KHDRBS3: variants seen among roughly 807,000 people sequenced by gnomAD.
KHDRBS3 encodes the protein KH RNA binding domain containing, signal transduction associated 3.
KHDRBS3 carries 23 observed loss-of-function variants against 45.6 expected under a neutral mutation model. The observed-to-expected ratio is 0.50, with a 90% CI of 0.36 to 0.72. The LOEUF (loss-of-function observed/expected upper bound fraction) is 0.72, where lower values mean the gene tolerates loss of function less well. KHDRBS3 is among the 30% of genes least tolerant of loss of function. The probability of loss-of-function intolerance (pLI) is 0.00; values close to 1 mark genes in which losing one functional copy is unlikely to be tolerated. For synonymous variants in KHDRBS3, 162 were observed against 156.5 expected, an observed-to-expected ratio of 1.04 and a Z score of -0.26; for missense variants, 352 against 424.8, an observed-to-expected ratio of 0.83 and a Z score of 1.51.
chr8:135,535,130 T>C (rs1825670532), intron 2 of KHDRBS3, among the ~76,000 whole-genome samples: 1 of 151,944 alleles, frequency 6.6e-6, no homozygotes, highest in Admixed American at 6.6e-5. Flanking sequence ...AACTTTTCTG[T>C]CCCTAATTTT....
At chr8:135,492,190 A>G (rs953209478) in intron 1 of KHDRBS3, among the ~76,000 whole-genome samples, 9 of 152,142 alleles carry the variant, frequency 5.9e-5, no homozygotes, top group African/African-American at 2.2e-4. Context: ...AATATGAGAT[A>G]ATGGATATGA....
chr8:135,460,262 A>G (rs555952145), intron 1 of KHDRBS3, among the ~76,000 whole-genome samples: 1 of 152,272 alleles, frequency 6.6e-6, no homozygotes, highest in Non-Finnish European at 1.5e-5. Flanking sequence ...ACTAAATTGT[A>G]GAATGGGCCA....
At chr8:135,473,507 G>A (rs763226236) in intron 1 of KHDRBS3, among the ~76,000 whole-genome samples, 2 of 152,100 alleles carry the variant, frequency 1.3e-5, no homozygotes, top group Admixed American at 6.6e-5. Context: ...GTGGAGTGCA[G>A]AGACAACATT....
At chr8:135,467,450 C>T (rs936165449) in intron 1 of KHDRBS3, among the ~76,000 whole-genome samples, 2 of 152,210 alleles carry the variant, frequency 1.3e-5, no homozygotes, top group African/African-American at 4.8e-5. Flanking sequence ...TTACAGGACC[C>T]AAGTCAAGAT....
At chr8:135,655,715 T>G (rs1831518798) in intron 4 of KHDRBS3, among the ~76,000 whole-genome samples, 1 of 142,454 alleles carries the variant, frequency 7.0e-6, no homozygotes, top group African/African-American at 2.6e-5. Flanking sequence ...ATTTCTCTGC[T>G]GCGATTGGGT....
At chr8:135,561,259 ACTTATATTG>A (rs1563769362) in intron 5 of KHDRBS3, among the ~76,000 whole-genome samples, 1 of 152,146 alleles carries the variant, frequency 6.6e-6, no homozygotes, top group Non-Finnish European at 1.5e-5. Flanking sequence ...TTTAACAAAC[ACTTATATTG>A]CAGCTACTAT....
At chr8:135,565,792 C>T (rs1048033610) in intron 5 of KHDRBS3, among the ~76,000 whole-genome samples, 8 of 152,226 alleles carry the variant, frequency 5.3e-5, no homozygotes, top group Admixed American at 2.6e-4. Context: ...GGAGTCTTGG[C>T]TGCTCAGCAT....
At chr8:135,568,881 C>T (rs1046710121) in intron 5 of KHDRBS3, among the ~76,000 whole-genome samples, 4 of 152,138 alleles carry the variant, frequency 2.6e-5, no homozygotes, top group African/African-American at 9.7e-5. Flanking sequence ...TAACTGGTGC[C>T]TACATTTTAT....
intron 2 of KHDRBS3, among the ~76,000 whole-genome samples, chr8:135,528,552 T>C (rs1372731069): frequency 6.6e-6 from 1 of 152,224 alleles, no homozygotes; most frequent in Non-Finnish European, 1.5e-5. Flanking sequence ...CGTGGTAATT[T>C]ACCTCTAGAA....
At chr8:135,616,919 G>T (rs919280421) in intron 7 of KHDRBS3, among the ~76,000 whole-genome samples, 1 of 151,960 alleles carries the variant, frequency 6.6e-6, no homozygotes, top group Non-Finnish European at 1.5e-5. Flanking sequence ...TTTGATGGAA[G>T]AGAATAATAA....
Position 135,536,479 on chromosome 8 carries a change from G to A in KHDRBS3, c.208-6175G>A, listed in dbSNP as rs1444973481. 3.3e-5 allele frequency among the ~76,000 whole-genome samples: 5 copies of A among 152,032 alleles called. No homozygotes were observed. In the East Asian group the frequency reaches 7.7e-4, roughly 23 times the overall value. On this transcript the variant is annotated intron_variant, in intron 2 of 8. Coordinates refer to ENST00000355849, the MANE Select transcript of KHDRBS3 (RefSeq NM_006558.3). The stretch of plus-strand genomic sequence containing the variant: ...TAGCAAAACACTAGCACTCAGGTTC[G>A]CAGGACAGTCACATCGTTGTATTTT...
intron 6 of KHDRBS3, among the ~76,000 whole-genome samples, chr8:135,603,352 T>C (rs1031899381): frequency 6.6e-6 from 1 of 152,220 alleles, no homozygotes; most frequent in African/African-American, 2.4e-5. Context: ...CTTCTTTTAA[T>C]TCATAAGAAT....
intron 1 of KHDRBS3, among the ~76,000 whole-genome samples, chr8:135,489,324 G>A (rs1184064685): frequency 6.6e-6 from 1 of 152,104 alleles, no homozygotes; most frequent in South Asian, 2.1e-4. Context: ...AAGATAATGT[G>A]TGTCTGGCCT....
At chr8:135,626,130 A>T in intron 7 of KHDRBS3, 1 of 495,926 alleles carries the variant, frequency 2.0e-6, no homozygotes, top group Non-Finnish European at 3.6e-6. Flanking sequence ...CTTTAATATC[A>T]TTAACAGCTG....
chr8:135,490,411 G>A (rs893177145), intron 1 of KHDRBS3, among the ~76,000 whole-genome samples: 1 of 152,028 alleles, frequency 6.6e-6, no homozygotes, highest in Non-Finnish European at 1.5e-5. Flanking sequence ...TACCTGGCAG[G>A]GAGAAGCTCC....
At chr8:135,654,712 G>A (rs541416139) in intron 4 of KHDRBS3, among the ~76,000 whole-genome samples, 23 of 152,280 alleles carry the variant, frequency 1.5e-4, no homozygotes, top group South Asian at 6.2e-4. Flanking sequence ...ATCAGCAAGT[G>A]TATTGTTAAG....
rs568895864 is a variant in KHDRBS3, at chr8:135,611,723, T to C, written c.890+4686T>C. Among the ~76,000 whole-genome samples, 15 of 152,034 alleles carry C rather than the reference T, an allele frequency of 9.9e-5. 1 individual carries two copies. The highest frequency in any genetic ancestry group is 3.6e-4 in the African/African-American group (15 of 41,304). The stretch of plus-strand genomic sequence containing the variant: ...GCCTCATTTCAATTTAAATCAGCTC[T>C]TTAAAGGCATTGTCTCCAAATATGG... On this transcript the variant is annotated intron_variant, in intron 7 of 8. Transcript: ENST00000355849.
At chr8:135,519,749 T>C (rs1316576188) in intron 1 of KHDRBS3, among the ~76,000 whole-genome samples, 3 of 152,210 alleles carry the variant, frequency 2.0e-5, no homozygotes, top group African/African-American at 7.2e-5. Context: ...GTCCTTTAAA[T>C]TGTAATAATT....
intron 7 of KHDRBS3, among the ~76,000 whole-genome samples, chr8:135,639,111 A>G (rs1053691753): frequency 3.5e-4 from 53 of 152,322 alleles, no homozygotes; most frequent in African/African-American, 1.1e-3. Context: ...GTCACATAAC[A>G]TGTGGATGAG....
Sources: allele counts gnomAD v4.1 joint callset (sites outside exome capture counted in the v4.1 genomes callset), GRCh38; gene constraint gnomAD v4.1.1; transcripts MANE v1.5; gene names NCBI Gene and HGNC (gene_info 2026-07-23, HGNC 2026-07-21).